Variants in PCDH15 observed in about 807,000 individuals in gnomAD.
PCDH15 encodes protocadherin-15.
A neutral mutation model predicts 178.5 loss-of-function variants in PCDH15; 129 were observed. That is an observed-to-expected ratio of 0.72 (90% CI 0.63 to 0.84). The LOEUF (loss-of-function observed/expected upper bound fraction) is 0.84, where lower values mean the gene tolerates loss of function less well. Ranked by LOEUF, PCDH15 falls within the 40% of genes least tolerant of loss-of-function variation. PCDH15 has a pLI of 0.00. For missense variants in PCDH15, 2,230 were observed against 2,099.9 expected (o/e 1.06, Z -1.21); for synonymous variants, 800 against 732.0 (o/e 1.09, Z -1.50).
rs764861755 is a variant in PCDH15, at chr10:53,827,431, T to TGGCGGA, written c.4323_4328dup (p.Pro1442_Pro1443dup). 3.9e-5 allele frequency: 63 copies of TGGCGGA among 1,613,096 alleles called. No homozygotes were observed. The highest frequency in any genetic ancestry group is 4.7e-5 in the Non-Finnish European group (56 of 1,179,428). On this transcript the variant is annotated inframe_insertion, in exon 32 of 38. Transcript: ENST00000644397. ...CAAGTTCTTCATAGAGATGCGCACC[T>TGGCGGA]GGCGGAGGCGGCGGCGGCGGCGGGG...
chr10:55,116,078 G>A (rs906071879), intron 2 of PCDH15, among the ~76,000 whole-genome samples: 2 of 152,052 alleles, frequency 1.3e-5, no homozygotes, highest in Non-Finnish European at 2.9e-5. Flanking sequence ...TAATCTTAAG[G>A]GATTTGTTGG....
At chr10:55,604,361 C>A (rs1843158488) in intron 2 of PCDH15, among the ~76,000 whole-genome samples, 1 of 150,144 alleles carries the variant, frequency 6.7e-6, no homozygotes, top group South Asian at 2.1e-4. Flanking sequence ...ACAAGGATAC[C>A]CAGGAATTGA....
chr10:55,171,697 CT>C (rs1466210465), intron 1 of PCDH15, among the ~76,000 whole-genome samples: 60 of 152,120 alleles, frequency 3.9e-4, no homozygotes, highest in African/African-American at 1.4e-3. Flanking sequence ...TCTAATATGT[CT>C]TTCAGATCTG....
intron 2 of PCDH15, among the ~76,000 whole-genome samples, chr10:55,598,755 T>A (rs1842996846): frequency 6.6e-6 from 1 of 151,720 alleles, no homozygotes; most frequent in African/African-American, 2.4e-5. Context: ...CACAAGCCCG[T>A]CACCCTCTTC....
chr10:54,112,076 G>A (rs1055241446), intron 15 of PCDH15, among the ~76,000 whole-genome samples: 8 of 151,986 alleles, frequency 5.3e-5, no homozygotes, highest in Non-Finnish European at 1.0e-4. Flanking sequence ...CCAGGAGGTG[G>A]AGGTTGCAGT....
In PCDH15 at chr10:54,955,388, TG is replaced by T. The variant is rs1409754556; in HGVS notation, c.-79-57889del. Among the ~76,000 whole-genome samples the T allele has an allele frequency of 2.0e-5, 3 of 151,386 alleles. No homozygotes were observed. In the East Asian group the frequency reaches 5.8e-4, roughly 29 times the overall value. ...AACAACTCAAAACTTAAAAGTATTT[TG>T]GTTTTTGTAAGCATTTCTCCAAATG... On this transcript the variant is annotated intron_variant, in intron 2 of 5. Transcript: ENST00000458638.
At chr10:55,335,265 ATG>A (rs1417220691) in intron 2 of PCDH15, among the ~76,000 whole-genome samples, 2 of 152,144 alleles carry the variant, frequency 1.3e-5, no homozygotes, top group African/African-American at 4.8e-5. Flanking sequence ...TGATGGAGAT[ATG>A]GAGAGCCTGA....
chr10:55,451,663 C>A, intron 2 of PCDH15, among the ~76,000 whole-genome samples: 1 of 151,840 alleles, frequency 6.6e-6, no homozygotes, highest in Admixed American at 6.6e-5. Context: ...GTGATACTAC[C>A]AAAGATCCAA....
At chr10:54,887,501 T>C (rs1372124735) in intron 3 of PCDH15, among the ~76,000 whole-genome samples, 1 of 152,098 alleles carries the variant, frequency 6.6e-6, no homozygotes, top group African/African-American at 2.4e-5. Flanking sequence ...TATCATTCTA[T>C]TGTCAACATC....
At chr10:54,484,377 T>C (rs1409902254) in intron 3 of PCDH15, among the ~76,000 whole-genome samples, 1 of 151,954 alleles carries the variant, frequency 6.6e-6, no homozygotes, top group Non-Finnish European at 1.5e-5. Flanking sequence ...GTTCAACCTT[T>C]AATACATTCA....
intron 2 of PCDH15, among the ~76,000 whole-genome samples, chr10:55,077,451 C>T (rs1222864990): frequency 2.6e-5 from 3 of 115,128 alleles, no homozygotes; most frequent in Non-Finnish European, 3.5e-5. Flanking sequence ...TCCTTCCTTC[C>T]CTTCCTTCCT....
chr10:54,893,493 T>C (rs1954498755), intron 3 of PCDH15, among the ~76,000 whole-genome samples: 1 of 152,098 alleles, frequency 6.6e-6, no homozygotes, highest in South Asian at 2.1e-4. Flanking sequence ...GATGATTTAA[T>C]GATGGTAATA....
intron 2 of PCDH15, among the ~76,000 whole-genome samples, chr10:55,051,094 G>T (rs1413014413): frequency 6.6e-6 from 1 of 151,898 alleles, no homozygotes; most frequent in Non-Finnish European, 1.5e-5. Context: ...AAATCATCTG[G>T]ATTTACACCT....
chr10:54,695,753 A>G (rs1047033994), intron 1 of PCDH15, among the ~76,000 whole-genome samples: 2 of 152,110 alleles, frequency 1.3e-5, no homozygotes, highest in African/African-American at 4.8e-5. Flanking sequence ...CAAGTCTACT[A>G]TAACTGTGCT....
intron 1 of PCDH15, among the ~76,000 whole-genome samples, chr10:55,194,905 A>G (rs1184813868): frequency 6.6e-6 from 1 of 152,070 alleles, no homozygotes; most frequent in African/African-American, 2.4e-5. Flanking sequence ...ATACAATTCA[A>G]CATATGTTAA....
chr10:55,515,915 T>C (rs1484689983), intron 2 of PCDH15, among the ~76,000 whole-genome samples: 1 of 152,218 alleles, frequency 6.6e-6, no homozygotes. Context: ...CCTTTGTTAG[T>C]TTGTGTTGTA....
At chr10:55,090,559 A>G (rs1842291389) in intron 2 of PCDH15, among the ~76,000 whole-genome samples, 1 of 152,024 alleles carries the variant, frequency 6.6e-6, no homozygotes, top group Non-Finnish European at 1.5e-5. Flanking sequence ...CATAAGCGGT[A>G]GGAGACTAGA....
At chr10:53,888,860 G>A (rs1345834274) in intron 26 of PCDH15, among the ~76,000 whole-genome samples, 1 of 149,966 alleles carries the variant, frequency 6.7e-6, no homozygotes, top group Non-Finnish European at 1.5e-5. Flanking sequence ...ATAGCAGAAT[G>A]ATGCAAAGAC....
At chr10:53,875,888 T>C (rs1589200769) in intron 26 of PCDH15, among the ~76,000 whole-genome samples, 2 of 152,144 alleles carry the variant, frequency 1.3e-5, no homozygotes, top group South Asian at 4.1e-4. Context: ...CCTAAATGAA[T>C]ACCATGGATG....
Sources: gnomAD v4.1 joint callset for allele counts (sites outside exome capture counted in the v4.1 genomes callset) on GRCh38, gnomAD v4.1.1 for gene constraint, MANE v1.5 for transcripts, NCBI Gene and HGNC (gene_info 2026-07-23, HGNC 2026-07-21) for gene names.